HGS: variants seen among roughly 807,000 people sequenced by gnomAD.
The protein encoded by HGS is human growth factor-regulated tyrosine kinase substrate.
A neutral mutation model predicts 109.7 loss-of-function variants in HGS; 63 were observed. The ratio of observed to expected loss-of-function variants is 0.57; its 90% CI spans 0.47 to 0.71. The LOEUF (loss-of-function observed/expected upper bound fraction) is 0.71. Ranked by LOEUF, HGS falls within the 30% of genes least tolerant of loss-of-function variation. The pLI is 0.00. For missense variants in HGS, 995 were observed against 1,068.3 expected (o/e 0.93, Z 0.96); for synonymous variants, 546 against 437.3 (o/e 1.25, Z -3.10).
chr17:81,694,072 C>CCCA, intron 11 of HGS, 107 bp downstream of exon 11: 2 of 948,298 alleles, frequency 2.1e-6, no homozygotes, highest in Non-Finnish European at 1.5e-6. Flanking sequence ...ATGCGGGTCC[C>CCCA]CGGGCTTCCC....
chr17:81,688,812 A>G lies in HGS; in HGVS notation c.400A>G (p.Ile134Val). 6.2e-7 allele frequency: 1 copy of G among 1,614,118 alleles called. No individual in the cohort carries two copies. The highest frequency in any genetic ancestry group is 8.5e-7 in the Non-Finnish European group (1 of 1,179,986). Residue 134 changes from isoleucine to valine, a missense_variant, in exon 5 of 22, where the codon ATC becomes GTC. Around this residue, in one of 6 missense-constraint regions of HGS, gnomAD observed 182 missense variants for 261.3 expected, o/e 0.70. Transcript: ENST00000329138. ...CAAGGTGGTCCAGGACACCTACCAGATCATGAAGGTGGAGGGTGAGTCAGG... is the reference window on the plus strand; with the variant it reads ...CAAGGTGGTCCAGGACACCTACCAGGTCATGAAGGTGGAGGGTGAGTCAGG... ...KYKVVQDTYQ[I>V]MKVEGHVFPE...
chr17:81,700,512 GGGCGCAGGCGGCCCCCCA>G lies in HGS; in HGVS notation c.1932_1949del (p.Ala647_Ala652del). 2 of 1,607,358 alleles carry G rather than the reference GGGCGCAGGCGGCCCCCCA, an allele frequency of 1.2e-6. No individual in the cohort carries two copies. Among genetic ancestry groups the G allele is most frequent in the South Asian group, 1.1e-5 (1 of 90,370 alleles). Reference sequence around the variant, plus strand: ...TACATGTACCCAGCAGGGGCCACTGGGGCGCAGGCGGCCCCCCAGGCCCAGGCCGGACCCACCGCCAGC... The same window carrying G: ...TACATGTACCCAGCAGGGGCCACTGGGGCCCAGGCCGGACCCACCGCCAGC... On this transcript the variant is annotated inframe_deletion, in exon 19 of 22. Transcript: ENST00000329138.
chr17:81,685,462 A>T, intron 1 of HGS, 143 bp from the exon 2 acceptor site: 2 of 570,836 alleles, frequency 3.5e-6, no homozygotes, highest in Middle Eastern at 2.6e-4. Context: ...CAGCACGCTC[A>T]GGAGGATTCT....
intron 3 of HGS, among the ~76,000 whole-genome samples, chr17:81,686,708 A>C (rs1438572182): frequency 6.6e-6 from 1 of 152,184 alleles, no homozygotes; most frequent in Non-Finnish European, 1.5e-5. Context: ...CAGGCTGCTG[A>C]GTCTCAGATG....
At chr17:81,701,348 T>C (rs972896278) in intron 21 of HGS, 160 bp from the exon 22 acceptor site, 2 of 887,846 alleles carry the variant, frequency 2.3e-6, no homozygotes, top group Admixed American at 2.6e-5. Context: ...ACCGTGAATT[T>C]ACTTGAAAGG....
Position 81,691,188 on chromosome 17 carries a change from C to T in HGS, c.538-259C>T, listed in dbSNP as rs1021726192. On this transcript the variant is annotated intron_variant, in intron 7 of 21. Coordinates refer to ENST00000329138, the MANE Select transcript of HGS (RefSeq NM_004712.5). This position sits in a 1 kb window ranked among gnomAD's most constrained non-coding sequence, Gnocchi z 5.3. ...CTCACAAAAGCTCTTGTTTTATCAG[C>T]AGAATTGATGTGTATTTTTTCCTTG... is the stretch of plus-strand genomic sequence containing the variant. The T allele has an allele frequency of 2.0e-5, 10 of 504,378 alleles. No homozygotes were observed. The East Asian group carries it at 2.4e-4, about 12-fold the overall frequency. The allele number at this position is 504,378 out of a possible 1,614,324, so 31.2% of individuals were successfully genotyped here. A position where few individuals can be genotyped will look rare whatever the true frequency, so the allele number is the denominator to read the frequency against.
At position 81,701,793 on chromosome 17, in the gene HGS, C is replaced by A; in HGVS notation, c.*175C>A. ...TCCCTTGTCCTCAGCCTACTGCAGT[C>A]CCTGAGTTAGTCTCTGCTTTCTTTC... is the stretch of plus-strand genomic sequence containing the variant. On this transcript the variant is annotated 3_prime_UTR_variant, in exon 22 of 22. Coordinates refer to ENST00000329138, the MANE Select transcript of HGS (RefSeq NM_004712.5). The A allele has an allele frequency of 1.1e-6, 1 of 913,704 alleles. No individual in the cohort carries two copies. The allele number at this position is 913,704 out of a possible 1,614,324, so 56.6% of individuals were successfully genotyped here. A position where few individuals can be genotyped will look rare whatever the true frequency, so the allele number is the denominator to read the frequency against.
chr17:81,691,207 T>C lies in HGS; in HGVS notation c.538-240T>C. 1 of 538,856 alleles carries C rather than the reference T, an allele frequency of 1.9e-6. No homozygotes were observed. The highest frequency in any genetic ancestry group is 2.1e-5 in the South Asian group (1 of 46,568). 33.4% of individuals were successfully genotyped at this position (538,856 alleles called of 1,614,324 possible). A position where few individuals can be genotyped will look rare whatever the true frequency, so the allele number is the denominator to read the frequency against. On this transcript the variant is annotated intron_variant, in intron 7 of 21. Coordinates refer to ENST00000329138, the MANE Select transcript of HGS (RefSeq NM_004712.5). This position sits in a 1 kb window ranked among gnomAD's most constrained non-coding sequence, Gnocchi z 5.3. ...TATCAGCAGAATTGATGTGTATTTT[T>C]TCCTTGCCCTTACTTTTAACTTACC... is the stretch of plus-strand genomic sequence containing the variant.
chr17:81,693,817 GC>G, intron 10 of HGS, 52 bp from the exon 11 acceptor site: 3 of 1,559,294 alleles, frequency 1.9e-6, no homozygotes, highest in Non-Finnish European at 2.6e-6. Context: ...CTGCGGTGGG[GC>G]CGGAGGGGCG....
chr17:81,689,232 A>G (rs931406253), intron 5 of HGS, among the ~76,000 whole-genome samples: 1 of 152,230 alleles, frequency 6.6e-6, no homozygotes, highest in Non-Finnish European at 1.5e-5. Context: ...GCAGACACTC[A>G]GGGTTGAGGC....
chr17:81,684,126 C>T, intron 1 of HGS, 23 bp downstream of exon 1: 1 of 1,559,806 alleles, frequency 6.4e-7, no homozygotes, highest in South Asian at 1.2e-5. Flanking sequence ...CACCCGACGG[C>T]TCGGCCTTGG....
intron 6 of HGS, 132 bp from the exon 7 acceptor site, chr17:81,690,542 G>C: frequency 1.2e-6 from 1 of 861,968 alleles, no homozygotes. Flanking sequence ...GGGAAGGGCC[G>C]CCCGGGGCAT....
Position 81,701,621 on chromosome 17 carries a change from C to A in HGS, c.*3C>A. On this transcript the variant is annotated 3_prime_UTR_variant, in exon 22 of 22. Coordinates refer to ENST00000329138, the MANE Select transcript of HGS (RefSeq NM_004712.5). ...CCCAGCTCATTTCATTCGACTGACC[C>A]AGGCCATGCTCACGTCCGGAGTAAC... 2 of 1,558,560 alleles carry A rather than the reference C, an allele frequency of 1.3e-6. No individual in the cohort carries two copies. Among genetic ancestry groups the A allele is most frequent in the East Asian group, 2.4e-5 (1 of 42,092 alleles).
intron 11 of HGS, among the ~76,000 whole-genome samples, 165 bp downstream of exon 11, chr17:81,694,130 C>G (rs769031039): frequency 1.3e-5 from 2 of 152,210 alleles, no homozygotes; most frequent in Non-Finnish European, 2.9e-5. Flanking sequence ...CAGAGCCCCA[C>G]GGCTCCAGGC....
At position 81,694,851 on chromosome 17, in the gene HGS, G is replaced by C. The variant is rs1170120387; in HGVS notation, c.973G>C (p.Glu325Gln). The C allele has an allele frequency of 6.2e-7, 1 of 1,614,260 alleles. No homozygotes were observed. Among genetic ancestry groups the C allele is most frequent in the Non-Finnish European group, 8.5e-7 (1 of 1,180,036 alleles). ...SAPLAEDIDPELARYLNRNYW... is the reference protein window; with the variant it reads ...SAPLAEDIDPQLARYLNRNYW... ...GCCTCTGGCTGAGGACATCGACCCT[G>C]AGGTAAGGCCCAGCATGGGGTGCAT... Residue 325 changes from glutamate to glutamine, a missense_variant and splice_region_variant, in exon 12 of 22, where the codon GAG becomes CAG. Glu to Gln is a conservative substitution (Grantham distance 29). Coordinates refer to ENST00000329138, the MANE Select transcript of HGS (RefSeq NM_004712.5).
In HGS at chr17:81,691,550, C is replaced by T; in HGVS notation, c.641C>T (p.Pro214Leu). The change falls in exon 8 of 22, where the codon CCC (proline) becomes CTC (leucine). Residue 214 changes from proline to leucine, a missense_variant. Physicochemically the swap from Pro to Leu is moderately conservative, Grantham distance 98. Around this residue, in one of 6 missense-constraint regions of HGS, gnomAD observed 182 missense variants for 261.3 expected, o/e 0.70. Coordinates refer to ENST00000329138, the MANE Select transcript of HGS (RefSeq NM_004712.5). This position sits in a 1 kb window ranked among gnomAD's most constrained non-coding sequence, Gnocchi z 5.3. ...GAGAAGGAGGTGCGCGTGTGTGAGC[C>T]CTGCTACGAGCAGCTGAACAGGTGA... ...GIEKEVRVCE[P>L]CYEQLNRKAE... 1 of 1,614,032 alleles carries T rather than the reference C, an allele frequency of 6.2e-7. No homozygotes were observed. Among genetic ancestry groups the T allele is most frequent in the East Asian group, 2.2e-5 (1 of 44,862 alleles).
In HGS at chr17:81,684,082, G is replaced by A; in HGVS notation, c.16G>A (p.Gly6Ser). MGRGS[G>S]TFERLLDKAT... ...GGAGGTCGCCATGGGGCGAGGCAGC[G>A]GCACCTTCGAGCGTCTCCTAGGTAA... is the stretch of plus-strand genomic sequence containing the variant. The change falls in exon 1 of 22, where the codon GGC becomes AGC. Residue 6 changes from glycine (G) to serine (S), a missense_variant. Physicochemically the swap from Gly to Ser is moderately conservative, Grantham distance 56. Coordinates refer to ENST00000329138, the MANE Select transcript of HGS (RefSeq NM_004712.5). 1.3e-6 allele frequency: 2 copies of A among 1,594,416 alleles called. No homozygotes were observed. The highest frequency in any genetic ancestry group is 1.7e-4 in the Middle Eastern group (1 of 6,012).
chr17:81,685,285 G>A (rs2144480735), intron 1 of HGS, among the ~76,000 whole-genome samples: 1 of 152,330 alleles, frequency 6.6e-6, no homozygotes, highest in South Asian at 2.1e-4. Context: ...GTTTAAGAGT[G>A]AATCAGCCTC....
In HGS at chr17:81,690,756, T is replaced by TG. The variant is rs1217276636; in HGVS notation, c.537+20dup. 3 of 1,609,906 alleles carry TG rather than the reference T, an allele frequency of 1.9e-6. No individual in the cohort carries two copies. Among genetic ancestry groups the TG allele is most frequent in the Non-Finnish European group, 2.5e-6 (3 of 1,178,044 alleles). ...ATGACCCGTAAGGTGAGTTCCCACC[T>TG]GGGGGGCTCTACAGCCCCGGCCAGA... is the stretch of plus-strand genomic sequence containing the variant. On this transcript the variant is annotated intron_variant, in intron 7 of 21. Transcript: ENST00000329138.
Sources: allele counts gnomAD v4.1 joint callset (sites outside exome capture counted in the v4.1 genomes callset), GRCh38; gene constraint gnomAD v4.1.1; regional missense constraint gnomAD v4.1.1; non-coding constraint Gnocchi (gnomAD v3.1); transcripts MANE v1.5; gene names NCBI Gene and HGNC (gene_info 2026-07-23, HGNC 2026-07-21).